SORBS3: variants seen among roughly 807,000 people sequenced by gnomAD.
SORBS3 encodes vinexin.
In SORBS3, 69 loss-of-function variants were observed where a neutral mutation model predicts 98.0. The ratio of observed to expected loss-of-function variants is 0.70; its 90% CI spans 0.58 to 0.86. The LOEUF (loss-of-function observed/expected upper bound fraction) is 0.86, where lower values mean the gene tolerates loss of function less well. SORBS3 is among the 40% of genes least tolerant of loss of function. The pLI is 0.00. For synonymous variants in SORBS3, 394 were observed against 355.4 expected (o/e 1.11, Z -1.22); for missense variants, 954 against 908.5 (o/e 1.05, Z -0.64).
intron 16 of SORBS3, 39 bp downstream of exon 16, chr8:22,567,214 G>T: frequency 2.9e-5 from 39 of 1,345,130 alleles, no homozygotes; most frequent in Non-Finnish European, 3.9e-5. Flanking sequence ...GCTGGGCTGG[G>T]AGGGCGCAGG....
rs1161245598 is a variant in SORBS3 at position 22,574,713 on chromosome 8, C to T, written c.2001C>T (p.Tyr667=). ...AATTCGGAACGTTCCCTGGAAATTA[C>T]GTTGCCCCGGTGTGAGTGGTCTCCA... ...TQKFGTFPGN[Y]VAPV Residue 667 remains tyrosine (Y), a synonymous_variant, in exon 21 of 21, where the codon TAC becomes TAT. Transcript: ENST00000240123. The T allele has an allele frequency of 6.2e-7, 1 of 1,610,484 alleles. No individual in the cohort carries two copies. Among genetic ancestry groups the T allele is most frequent in the Non-Finnish European group, 8.5e-7 (1 of 1,177,872 alleles).
At chr8:22,565,236 C>G in intron 10 of SORBS3, 32 bp from the exon 11 acceptor site, 2 of 1,524,508 alleles carry the variant, frequency 1.3e-6, no homozygotes, top group Non-Finnish European at 1.8e-6. Flanking sequence ...CGGTGCGCTG[C>G]CCCTCACTGC....
At chr8:22,546,349 G>T (rs1293536227) in intron 1 of SORBS3, among the ~76,000 whole-genome samples, 1 of 152,196 alleles carries the variant, frequency 6.6e-6, no homozygotes, top group Non-Finnish European at 1.5e-5. Context: ...CCAGACCCCA[G>T]GAGAAAGCCT....
intron 1 of SORBS3, 36 bp downstream of exon 1, chr8:22,552,058 G>C (rs1364315149): frequency 1.0e-6 from 1 of 985,234 alleles, no homozygotes; most frequent in Non-Finnish European, 1.2e-6. Flanking sequence ...GAGTAGGCGA[G>C]GCCGGCGGGA....
intron 19 of SORBS3, 32 bp downstream of exon 19, chr8:22,571,853 G>A (rs189537440): frequency 7.5e-6 from 11 of 1,470,900 alleles, no homozygotes; most frequent in East Asian, 2.3e-5. Context: ...TTGATCAGAC[G>A]TGGGGGGGGT....
upstream of SORBS3, among the ~76,000 whole-genome samples, chr8:22,548,678 G>T (rs1026346568): frequency 8.5e-5 from 13 of 152,296 alleles, no homozygotes; most frequent in Non-Finnish European, 1.5e-4. Context: ...GCCCAGGGTA[G>T]ATCTCAGAGG....
chr8:22,571,169 C>G lies in SORBS3; in HGVS notation c.1691C>G (p.Pro564Arg). 2 of 1,583,104 alleles carry G rather than the reference C, an allele frequency of 1.3e-6. No individual in the cohort carries two copies. The highest frequency in any genetic ancestry group is 1.1e-5 in the South Asian group (1 of 90,060). Reference sequence around the variant, plus strand: ...ATCGACTTGGGGGGACAGACCTCCCCCCGTCGCACTGGCTTCTCCTTCCCC... The same window carrying G: ...ATCGACTTGGGGGGACAGACCTCCCGCCGTCGCACTGGCTTCTCCTTCCCC... ...DPIDLGGQTS[P>R]RRTGFSFPTQ... The change falls in exon 18 of 21, where the codon CCC becomes CGC. Residue 564 changes from proline (P) to arginine (R), a missense_variant. By Grantham distance (103) the Pro-to-Arg change is moderately radical. Transcript: ENST00000240123.
At chr8:22,550,725 T>G (rs900464304), upstream of SORBS3, among the ~76,000 whole-genome samples, 1 of 152,236 alleles carries the variant, frequency 6.6e-6, no homozygotes, top group African/African-American at 2.4e-5. Context: ...AAACTCCTCG[T>G]GGCCTCTGGC....
intron 17 of SORBS3, among the ~76,000 whole-genome samples, chr8:22,569,615 G>T (rs1212526179): frequency 3.9e-5 from 6 of 152,180 alleles, no homozygotes; most frequent in Non-Finnish European, 1.5e-5. Flanking sequence ...TGGGATTACA[G>T]GCGTGAGCCA....
At position 22,565,768 on chromosome 8, in the gene SORBS3, C is replaced by T. The variant is rs774729661; in HGVS notation, c.904-58C>T. 5.9e-5 allele frequency: 77 copies of T among 1,297,924 alleles called. No individual in the cohort carries two copies. In the East Asian group the frequency reaches 2.2e-3, roughly 37 times the overall value. The allele number at this position is 1,297,924 out of a possible 1,614,324, so 80.4% of individuals were successfully genotyped here. ...CGCGAACTTTTCCGGAGGCGGCGGCCTCGGCTGCCGCTGGGTCCCGGGGTC... is the reference window on the plus strand; with the variant it reads ...CGCGAACTTTTCCGGAGGCGGCGGCTTCGGCTGCCGCTGGGTCCCGGGGTC... On this transcript the variant is annotated intron_variant, in intron 11 of 20. Transcript: ENST00000240123.
chr8:22,572,153 T>G (rs1380470222), intron 19 of SORBS3, among the ~76,000 whole-genome samples, 187 bp from the exon 20 acceptor site: 3 of 152,152 alleles, frequency 2.0e-5, no homozygotes, highest in Non-Finnish European at 4.4e-5. Context: ...GGTTCAGTGC[T>G]TAGGGCCCAG....
intron 1 of SORBS3, among the ~76,000 whole-genome samples, chr8:22,545,711 G>A (rs1840009039): frequency 6.6e-6 from 1 of 152,240 alleles, no homozygotes; most frequent in South Asian, 2.1e-4. Context: ...GTAGGGCCAA[G>A]CACACTGCCT....
intron 7 of SORBS3, among the ~76,000 whole-genome samples, 173 bp downstream of exon 7, chr8:22,562,104 C>T (rs1187313832): frequency 6.6e-6 from 1 of 152,212 alleles, no homozygotes; most frequent in African/African-American, 2.4e-5. Flanking sequence ...TCCACCACCC[C>T]CATAGACTCT....
upstream of SORBS3, chr8:22,550,043 C>T: frequency 1.0e-6 from 1 of 984,016 alleles, no homozygotes; most frequent in Non-Finnish European, 1.2e-6. Flanking sequence ...CTTCTTAGTC[C>T]CAAGGACCCT....
At chr8:22,566,096 G>A in intron 12 of SORBS3, 1 of 569,176 alleles carries the variant, frequency 1.8e-6, no homozygotes, top group African/African-American at 2.0e-5. Context: ...GGTCGCGGCC[G>A]CCGGGGGCGC....
chr8:22,563,779 T>C lies in SORBS3; in HGVS notation c.585-208T>C, dbSNP rs113035929. On this transcript the variant is annotated intron_variant, in intron 7 of 20. Coordinates refer to ENST00000240123, the MANE Select transcript of SORBS3 (RefSeq NM_005775.5). ...AGGGATCAGTAACTTGTTCAAAGGT[T>C]ACACATCCACTAAACAGTAGAGCTG... Among the ~76,000 whole-genome samples, 569 of 152,288 alleles carry C rather than the reference T, an allele frequency of 3.7e-3. 3 individuals are homozygous for C. The highest frequency in any genetic ancestry group is 0.011 in the Admixed American group (166 of 15,286).
chr8:22,569,366 A>G, intron 17 of SORBS3, 93 bp downstream of exon 17: 6 of 1,117,522 alleles, frequency 5.4e-6, no homozygotes, highest in Non-Finnish European at 7.2e-6. Context: ...TTTGAGACAG[A>G]GTCTCACTCT....
Position 22,556,794 on chromosome 8 carries a change from C to G in SORBS3, c.300C>G (p.Thr100=). The G allele has an allele frequency of 1.9e-6, 3 of 1,613,790 alleles. No homozygotes were observed. Among genetic ancestry groups the G allele is most frequent in the Non-Finnish European group, 2.5e-6 (3 of 1,180,024 alleles). Residue 100 remains threonine (T), a synonymous_variant, in exon 4 of 21, where the codon ACC becomes ACG. Transcript: ENST00000240123. Reference sequence around the variant, plus strand: ...CAAAGATCCCTGCCTCCCAGCACACCCAGAACTGGTCAGCCACGTGGACCA... The same window carrying G: ...CAAAGATCCCTGCCTCCCAGCACACGCAGAACTGGTCAGCCACGTGGACCA... ...ASTKIPASQH[T]QNWSATWTKD... is the part of the protein sequence containing the mutation.
intron 16 of SORBS3, among the ~76,000 whole-genome samples, chr8:22,568,142 G>A (rs1033437483): frequency 6.6e-6 from 1 of 152,168 alleles, no homozygotes; most frequent in African/African-American, 2.4e-5. Context: ...GTGAGCCACT[G>A]TGCCCGGCTG....
Sources: gnomAD v4.1 joint callset for allele counts (sites outside exome capture counted in the v4.1 genomes callset) on GRCh38, gnomAD v4.1.1 for gene constraint, MANE v1.5 for transcripts, NCBI Gene and HGNC (gene_info 2026-07-23, HGNC 2026-07-21) for gene names.